NOX5: variants seen among roughly 807,000 people sequenced by gnomAD.
NOX5 encodes NADPH oxidase, EF-hand calcium binding domain 5.
NOX5 carries 76 observed loss-of-function variants against 85.7 expected under a neutral mutation model. The observed-to-expected ratio is 0.89, with a 90% CI of 0.74 to 1.07. The LOEUF (loss-of-function observed/expected upper bound fraction) is 1.07, where lower values mean the gene tolerates loss of function less well. Among genes scored for constraint, NOX5 ranks in the 50% least tolerant of loss-of-function variants. The probability of loss-of-function intolerance (pLI) is 0.00; values close to 1 mark genes in which losing one functional copy is unlikely to be tolerated. For synonymous variants in NOX5, 405 were observed against 401.4 expected, an observed-to-expected ratio of 1.01 and a Z score of -0.11; for missense variants, 973 against 999.5, an observed-to-expected ratio of 0.97 and a Z score of 0.36.
chr15:69,040,252 T>G (rs1304392347), intron 9 of NOX5, among the ~76,000 whole-genome samples: 1 of 152,230 alleles, frequency 6.6e-6, no homozygotes, highest in African/African-American at 2.4e-5. Flanking sequence ...TTCTCCCTAT[T>G]TTTTTCCTTT....
chr15:69,035,810 C>T lies in NOX5; in HGVS notation c.1062C>T (p.Leu354=), dbSNP rs1274963828. 6.2e-7 allele frequency: 1 copy of T among 1,614,200 alleles called. No homozygotes were observed. The highest frequency in any genetic ancestry group is 8.5e-7 in the Non-Finnish European group (1 of 1,180,038). The stretch of plus-strand genomic sequence containing the variant: ...CTTTCCAGTTCTGGGAGCTGCTGCT[C>T]ACCACGAGGCCTGGCATTGGCTGGG... ...ASPFQFWELL[L]TTRPGIGWVH... The change falls in exon 7 of 16, where the codon CTC becomes CTT. Residue 354 remains leucine (L), a synonymous_variant. Transcript: ENST00000388866.
chr15:69,017,502 A>G (rs1307019136), intron 1 of NOX5, among the ~76,000 whole-genome samples: 1 of 152,174 alleles, frequency 6.6e-6, no homozygotes, highest in Non-Finnish European at 1.5e-5. Flanking sequence ...ACCAATTGCC[A>G]ATCAGAAAAA....
At chr15:69,020,212 A>G (rs1835821505) in intron 1 of NOX5, among the ~76,000 whole-genome samples, 1 of 152,198 alleles carries the variant, frequency 6.6e-6, no homozygotes, top group African/African-American at 2.4e-5. Context: ...AGGTGTGACC[A>G]TTCCATCATG....
At chr15:69,024,693 T>A (rs2050334613) in intron 1 of NOX5, among the ~76,000 whole-genome samples, 1 of 152,188 alleles carries the variant, frequency 6.6e-6, no homozygotes, top group Non-Finnish European at 1.5e-5. Flanking sequence ...TTAAACTTTA[T>A]CATAAGTATG....
At position 69,038,953 on chromosome 15, in the gene NOX5, C is replaced by A. The variant is rs2050557819; in HGVS notation, c.1468C>A (p.His490Asn). The part of the protein sequence containing the change: ...NIPTIARYEW[H>N]PFTISSAPEQ... Reference sequence around the variant, plus strand: ...CCCCACCATTGCTCGCTATGAGTGGCACCCCTTCACCATCAGCAGTGCTCC... The same window carrying A: ...CCCCACCATTGCTCGCTATGAGTGGAACCCCTTCACCATCAGCAGTGCTCC... The change falls in exon 9 of 16, where the codon CAC becomes AAC. Residue 490 changes from histidine to asparagine, a missense_variant. Transcript: ENST00000388866. The A allele has an allele frequency of 6.2e-7, 1 of 1,614,028 alleles. No individual in the cohort carries two copies. Among genetic ancestry groups the A allele is most frequent in the Admixed American group, 1.7e-5 (1 of 60,008 alleles).
At chr15:69,047,358 A>T in intron 11 of NOX5, 55 bp from the exon 12 acceptor site, 1 of 1,500,028 alleles carries the variant, frequency 6.7e-7, no homozygotes, top group Non-Finnish European at 8.9e-7. Context: ...CCCTGGTAGC[A>T]GGGGAGACCA....
At chr15:69,052,266 C>G (rs1489754969) in intron 14 of NOX5, among the ~76,000 whole-genome samples, 1 of 151,968 alleles carries the variant, frequency 6.6e-6, no homozygotes, top group Non-Finnish European at 1.5e-5. Flanking sequence ...TCAACCTCTC[C>G]AACCTCTCCC....
In NOX5 at chr15:69,062,121, CCCATCT is replaced by C. The variant is rs1315010169; in HGVS notation, c.*5426_*5431del. ...AGGTACCCTTGGCTCCTCTATCTCCCCCATCTTCCTCCTTCAGCCAATCATCAAGCC... is the reference window on the plus strand; with the variant it reads ...AGGTACCCTTGGCTCCTCTATCTCCCTCCTCCTTCAGCCAATCATCAAGCC... On this transcript the variant is annotated 3_prime_UTR_variant, in exon 16 of 16. Coordinates refer to ENST00000388866, the MANE Select transcript of NOX5 (RefSeq NM_024505.4). 1 of 152,116 alleles carries C rather than the reference CCCATCT, an allele frequency of 6.6e-6. No individual in the cohort carries two copies. The highest frequency in any genetic ancestry group is 1.5e-5 in the Non-Finnish European group (1 of 68,058). 9.4% of individuals were successfully genotyped at this position (152,116 alleles called of 1,614,324 possible).
rs1363011094 is a variant in NOX5 at position 69,055,314 on chromosome 15, C to A, written c.2000-20C>A. 2.5e-6 allele frequency: 4 copies of A among 1,612,792 alleles called. No homozygotes were observed. In the South Asian group the frequency reaches 4.4e-5, roughly 18 times the overall value. ...ATGGGTACTAGACCCTCAGTGCAGC[C>A]CTTGTCCCCTGCCCAACAGGCCGCT... On this transcript the variant is annotated intron_variant, in intron 14 of 15. Transcript: ENST00000388866.
At chr15:69,020,676 A>T (rs917673593) in intron 1 of NOX5, among the ~76,000 whole-genome samples, 1 of 151,868 alleles carries the variant, frequency 6.6e-6, no homozygotes, top group Non-Finnish European at 1.5e-5. Flanking sequence ...ATATAGATAG[A>T]TATAGATCAT....
At chr15:69,017,060 C>G (rs2050239967) in intron 1 of NOX5, among the ~76,000 whole-genome samples, 1 of 152,126 alleles carries the variant, frequency 6.6e-6, no homozygotes, top group African/African-American at 2.4e-5. Flanking sequence ...GTCTTTGAAG[C>G]CTGCTACCTG....
chr15:69,029,657 C>G (rs2050404683), intron 3 of NOX5: 1 of 150,756 alleles, frequency 6.6e-6, no homozygotes, highest in Non-Finnish European at 1.5e-5. Flanking sequence ...TCTCCACATT[C>G]TTGCTAACAC....
In NOX5 at chr15:69,058,137, C is replaced by T. The variant is rs1027673558; in HGVS notation, c.*1441C>T. 1 of 152,322 alleles carries T rather than the reference C, an allele frequency of 6.6e-6. No homozygotes were observed. Among genetic ancestry groups the T allele is most frequent in the African/African-American group, 2.4e-5 (1 of 41,452 alleles). The allele number at this position is 152,322 out of a possible 1,614,324, so 9.4% of individuals were successfully genotyped here. On this transcript the variant is annotated 3_prime_UTR_variant, in exon 16 of 16. Transcript: ENST00000388866. ...AAGCACCCTTCCCCAAGGCTGCCAT[C>T]ATGGGGTTGGAACCAGGCACTTTCC...
chr15:69,042,912 CAT>C, intron 10 of NOX5, 107 bp downstream of exon 10: 1 of 1,225,852 alleles, frequency 8.2e-7, no homozygotes, highest in East Asian at 2.5e-5. Context: ...CTGCTGTGTA[CAT>C]AGATGGCAGC....
intron 2 of NOX5, among the ~76,000 whole-genome samples, chr15:69,026,886 A>T (rs1364938870): frequency 1.3e-5 from 2 of 152,176 alleles, no homozygotes; most frequent in African/African-American, 4.8e-5. Flanking sequence ...AAGCAATATG[A>T]TTAACCTCAC....
chr15:69,026,682 A>G (rs1463957001), intron 2 of NOX5, 31 bp downstream of exon 2: 1 of 1,613,266 alleles, frequency 6.2e-7, no homozygotes, highest in Non-Finnish European at 8.5e-7. Flanking sequence ...GAAGCCCTGC[A>G]TTTATCGTTA....
intron 1 of NOX5, among the ~76,000 whole-genome samples, chr15:69,025,946 G>T (rs992659833): frequency 6.6e-6 from 1 of 152,170 alleles, no homozygotes; most frequent in African/African-American, 2.4e-5. Context: ...GATCCATCTT[G>T]TATCACAAGC....
intron 3 of NOX5, 69 bp downstream of exon 3, chr15:69,028,434 C>A: frequency 6.9e-7 from 1 of 1,458,348 alleles, no homozygotes; most frequent in South Asian, 1.4e-5. Flanking sequence ...CTGGCCATTT[C>A]ACCTTGGCAG....
intron 1 of NOX5, among the ~76,000 whole-genome samples, chr15:69,021,891 A>G (rs1026588542): frequency 2.0e-5 from 3 of 152,218 alleles, no homozygotes; most frequent in African/African-American, 7.2e-5. Context: ...ATGATGTGCC[A>G]TAATCTGCAT....
Sources: gnomAD v4.1 joint callset for allele counts (sites outside exome capture counted in the v4.1 genomes callset) on GRCh38, gnomAD v4.1.1 for gene constraint, MANE v1.5 for transcripts, NCBI Gene and HGNC (gene_info 2026-07-23, HGNC 2026-07-21) for gene names.